ZNF33B: variants seen among roughly 807,000 people sequenced by gnomAD.
ZNF33B encodes the protein zinc finger protein 33B, also known as zinc finger protein 11b (KOX 2).
ZNF33B carries 29 observed loss-of-function variants against 45.8 expected under a neutral mutation model. That is an observed-to-expected ratio of 0.63 (90% CI 0.47 to 0.86). The LOEUF (loss-of-function observed/expected upper bound fraction) is 0.86, where lower values mean the gene tolerates loss of function less well. Ranked by LOEUF, ZNF33B falls within the 40% of genes least tolerant of loss-of-function variation. ZNF33B has a pLI of 0.00. For synonymous variants in ZNF33B, 305 were observed against 307.8 expected (o/e 0.99, Z 0.10); for missense variants, 831 against 909.9 (o/e 0.91, Z 1.12).
At chr10:42,577,998 A>G (rs2132011418) in intron 1 of ZNF33B, among the ~76,000 whole-genome samples, 1 of 152,212 alleles carries the variant, frequency 6.6e-6, no homozygotes, top group South Asian at 2.1e-4. Context: ...GCCTCTGTGA[A>G]AACCACCCCT....
chr10:42,603,726 G>A (rs114848998), intron 4 of ZNF33B, among the ~76,000 whole-genome samples: 1 of 152,110 alleles, frequency 6.6e-6, no homozygotes, highest in Non-Finnish European at 1.5e-5. Context: ...AATCAGTAGC[G>A]GCTATCAGCA....
intron 4 of ZNF33B, among the ~76,000 whole-genome samples, chr10:42,613,351 C>T (rs1053701498): frequency 6.6e-6 from 1 of 151,932 alleles, no homozygotes; most frequent in Non-Finnish European, 1.5e-5. Flanking sequence ...AGTTCGTGAC[C>T]AGCCTGTACA....
intron 1 of ZNF33B, among the ~76,000 whole-genome samples, chr10:42,577,250 C>T (rs771607056): frequency 1.3e-5 from 2 of 151,714 alleles, no homozygotes; most frequent in Non-Finnish European, 2.9e-5. Flanking sequence ...AAAGTAAACA[C>T]ACCCCAAACC....
rs1356775770 is a variant in ZNF33B at position 42,593,494 on chromosome 10, G to A, written c.1456C>T (p.Gln486Ter). Reference sequence around the variant, plus strand: ...TCTCCTATGTGAGTTCTCTGATGCTGTGTAAGATGTGACTTTTGACAAAAG... The same window carrying A: ...TCTCCTATGTGAGTTCTCTGATGCTATGTAAGATGTGACTTTTGACAAAAG... ...KSFCQKSHLT[Q>*]HQRTHIGDKP... Residue 486 changes from glutamine to a stop codon, truncating the protein, a stop_gained, in exon 5 of 5, where the codon CAG becomes TAG. Coordinates refer to ENST00000359467, the MANE Select transcript of ZNF33B (RefSeq NM_006955.3). LOFTEE classifies it high-confidence loss of function. 2.5e-6 allele frequency: 4 copies of A among 1,613,862 alleles called. No homozygotes were observed. In the African/African-American group the frequency reaches 5.3e-5, roughly 22 times the overall value.
intron 1 of ZNF33B, among the ~76,000 whole-genome samples, chr10:42,637,774 G>A (rs1330107802): frequency 2.0e-5 from 3 of 152,004 alleles, no homozygotes; most frequent in Non-Finnish European, 2.9e-5. Context: ...GCATTTCTCT[G>A]CCTCAGTAGC....
At position 42,592,540 on chromosome 10, in the gene ZNF33B, C is replaced by T. The variant is rs1589020758; in HGVS notation, c.*73G>A. The T allele has an allele frequency of 6.6e-7, 1 of 1,524,406 alleles. No homozygotes were observed. 94.4% of individuals were successfully genotyped at this position (1,524,406 alleles called of 1,614,324 possible). A position where few individuals can be genotyped will look rare whatever the true frequency, so the allele number is the denominator to read the frequency against. On this transcript the variant is annotated 3_prime_UTR_variant, in exon 5 of 5. Transcript: ENST00000359467. ...ATTGAACATTCAGGATGTCAACAGGCCCTTCTCCACAGTGTGAAGACTCTG... is the reference window on the plus strand; with the variant it reads ...ATTGAACATTCAGGATGTCAACAGGTCCTTCTCCACAGTGTGAAGACTCTG...
At chr10:42,603,129 G>A (rs1357100281) in intron 4 of ZNF33B, among the ~76,000 whole-genome samples, 1 of 152,140 alleles carries the variant, frequency 6.6e-6, no homozygotes, top group African/African-American at 2.4e-5. Context: ...GAAGACCAGA[G>A]ACTACTGCCC....
At chr10:42,578,148 A>T (rs922421168) in intron 1 of ZNF33B, among the ~76,000 whole-genome samples, 9 of 151,998 alleles carry the variant, frequency 5.9e-5, no homozygotes, top group Admixed American at 1.3e-4. Flanking sequence ...CCTCCCTGGG[A>T]CCCTGCAGAG....
At chr10:42,621,912 A>C (rs1428502878) in intron 4 of ZNF33B, among the ~76,000 whole-genome samples, 1 of 152,252 alleles carries the variant, frequency 6.6e-6, no homozygotes, top group Non-Finnish European at 1.5e-5. Flanking sequence ...GCCTACTCAC[A>C]GGTGACATAA....
intron 4 of ZNF33B, among the ~76,000 whole-genome samples, chr10:42,619,823 T>C (rs1838491855): frequency 6.6e-6 from 1 of 151,952 alleles, no homozygotes; most frequent in South Asian, 2.1e-4. Context: ...ATTTAGAAAG[T>C]GAAAGTAATC....
chr10:42,623,682 T>A (rs1285199288), intron 4 of ZNF33B, among the ~76,000 whole-genome samples: 1 of 152,196 alleles, frequency 6.6e-6, no homozygotes, highest in East Asian at 1.9e-4. Flanking sequence ...GAGGGGGGAA[T>A]GAGTAGTTAC....
chr10:42,619,089 G>A (rs1489183663), intron 4 of ZNF33B, among the ~76,000 whole-genome samples: 7 of 151,410 alleles, frequency 4.6e-5, no homozygotes, highest in Admixed American at 4.6e-4. Flanking sequence ...ATCAAATGGT[G>A]GAGTACACAG....
At chr10:42,626,334 T>C (rs540766211) in intron 4 of ZNF33B, among the ~76,000 whole-genome samples, 6 of 152,360 alleles carry the variant, frequency 3.9e-5, no homozygotes, top group African/African-American at 1.2e-4. Flanking sequence ...TCTGTAGTTT[T>C]ATTATTTTTG....
chr10:42,594,319 T>C lies in ZNF33B; in HGVS notation c.631A>G (p.Lys211Glu). Reference protein sequence around the residue: ...SHRENTLQHEKIQTLDHNFEY... With the variant: ...SHRENTLQHEEIQTLDHNFEY... ...AAATTGTGGTCTAAAGTTTGAATCT[T>C]CTCATGCTGCAAAGTGTTCTCACGA... The change falls in exon 5 of 5, where the codon AAG (lysine) becomes GAG (glutamate). Residue 211 changes from lysine (K) to glutamate (E), a missense_variant. Lys to Glu is a moderately conservative substitution (Grantham distance 56, BLOSUM62 1). Coordinates refer to ENST00000359467, the MANE Select transcript of ZNF33B (RefSeq NM_006955.3). 6.2e-7 allele frequency: 1 copy of C among 1,613,930 alleles called. No homozygotes were observed. The highest frequency in any genetic ancestry group is 8.5e-7 in the Non-Finnish European group (1 of 1,179,900).
chr10:42,608,311 A>C (rs1406612221), intron 4 of ZNF33B, among the ~76,000 whole-genome samples: 1 of 152,208 alleles, frequency 6.6e-6, no homozygotes, highest in Non-Finnish European at 1.5e-5. Context: ...CACAATATAA[A>C]CATGGAAACA....
intron 4 of ZNF33B, among the ~76,000 whole-genome samples, chr10:42,627,475 A>G (rs1838862378): frequency 6.6e-6 from 1 of 152,196 alleles, no homozygotes; most frequent in South Asian, 2.1e-4. Context: ...TCTTTTCCAC[A>G]GAACCCTATG....
At chr10:42,638,281 C>T (rs369500208) in intron 1 of ZNF33B, among the ~76,000 whole-genome samples, 193 bp downstream of exon 1, 6 of 152,264 alleles carry the variant, frequency 3.9e-5, no homozygotes, top group Non-Finnish European at 7.3e-5. Flanking sequence ...GGGCGTAGCC[C>T]GCTCCCTACA....
downstream of ZNF33B, among the ~76,000 whole-genome samples, chr10:42,586,150 A>ATTTT (rs67457246): frequency 0.027 from 3,220 of 121,438 alleles, 218 homozygotes; most frequent in African/African-American, 0.087. Context: ...TTTTCCTCAG[A>ATTTT]TTTTTTTTTT....
At chr10:42,623,194 G>A (rs150583615) in intron 4 of ZNF33B, among the ~76,000 whole-genome samples, 2,591 of 152,332 alleles carry the variant, frequency 0.017, 79 homozygotes, top group African/African-American at 0.059. Flanking sequence ...TTGAACACAG[G>A]AGGCAGAGGC....
Sources: allele counts gnomAD v4.1 joint callset (sites outside exome capture counted in the v4.1 genomes callset), GRCh38; gene constraint gnomAD v4.1.1; transcripts MANE v1.5; gene names NCBI Gene and HGNC (gene_info 2026-07-23, HGNC 2026-07-21).